The following SLC14A2 variants were observed in gnomAD, a reference collection of about 807,000 sequenced individuals.
SLC14A2 encodes the protein urea transporter 2.
Under a neutral mutation model 104.6 loss-of-function variants are expected in SLC14A2, and 91 were observed. The observed-to-expected ratio is 0.87, with a 90% CI of 0.73 to 1.04. SLC14A2 has a LOEUF of 1.04. Ranked by LOEUF, SLC14A2 falls within the 50% of genes least tolerant of loss-of-function variation. The probability of loss-of-function intolerance (pLI) is 0.00; values close to 1 mark genes in which losing one functional copy is unlikely to be tolerated. For synonymous variants in SLC14A2, 476 were observed against 466.4 expected, an observed-to-expected ratio of 1.02 and a Z score of -0.27; for missense variants, 1,189 against 1,156.0, an observed-to-expected ratio of 1.03 and a Z score of -0.41.
Position 45,287,458 on chromosome 18 carries a change from C to T in SLC14A2, c.-125+74267C>T, listed in dbSNP as rs2084825845. 2.6e-5 allele frequency among the ~76,000 whole-genome samples: 4 copies of T among 152,332 alleles called. No homozygotes were observed. In the South Asian group the frequency reaches 6.2e-4, roughly 24 times the overall value. On this transcript the variant is annotated intron_variant, in intron 1 of 20. Transcript: ENST00000586448. ...GGCCTTCATGTGAAGAGCAGCAACT[C>T]GTGGCCCACAGCAAGCGGGTGAATT...
chr18:45,462,393 G>A (rs542728254), intron 1 of SLC14A2, among the ~76,000 whole-genome samples: 70 of 152,286 alleles, frequency 4.6e-4, no homozygotes, highest in Non-Finnish European at 7.8e-4. Flanking sequence ...GCAGGCAAGG[G>A]ACTTGTACAC....
chr18:45,495,312 A>G (rs910810442), intron 2 of SLC14A2, among the ~76,000 whole-genome samples: 1 of 152,242 alleles, frequency 6.6e-6, no homozygotes, highest in Admixed American at 6.5e-5. Context: ...TAAAAACAAA[A>G]CAAAATCAAA....
At chr18:45,538,850 C>CTTTTTTT (rs61475766) in intron 2 of SLC14A2, among the ~76,000 whole-genome samples, 2 of 105,268 alleles carry the variant, frequency 1.9e-5, no homozygotes, top group South Asian at 3.4e-4. Flanking sequence ...TCCCCCTTCC[C>CTTTTTTT]TTTTTTTTTT....
At chr18:45,396,088 T>G (rs1158308457) in intron 1 of SLC14A2, among the ~76,000 whole-genome samples, 1 of 152,194 alleles carries the variant, frequency 6.6e-6, no homozygotes, top group Non-Finnish European at 1.5e-5. Context: ...ATTCTTAATC[T>G]TTTTTTCATT....
At chr18:45,185,385 G>A in the SLC14A2 span, among the ~76,000 whole-genome samples, 864 of 152,006 alleles carry the variant, frequency 5.7e-3, 12 homozygotes, top group African/African-American at 0.02. Context: ...TCAGATTGTG[G>A]CCACCTGAGG....
chr18:45,637,353 A>G (rs2045436922), intron 6 of SLC14A2, among the ~76,000 whole-genome samples, 171 bp downstream of exon 6: 1 of 152,178 alleles, frequency 6.6e-6, no homozygotes, highest in Non-Finnish European at 1.5e-5. Context: ...AGATCCTTTC[A>G]ACAGTACTTA....
At chr18:45,547,924 G>C (rs1241994513) in intron 2 of SLC14A2, among the ~76,000 whole-genome samples, 3 of 152,206 alleles carry the variant, frequency 2.0e-5, no homozygotes, top group African/African-American at 7.2e-5. Context: ...GTGATCAGAG[G>C]AGGGTAAGAC....
chr18:45,568,133 G>C (rs1274283207), intron 2 of SLC14A2, among the ~76,000 whole-genome samples: 1 of 152,206 alleles, frequency 6.6e-6, no homozygotes, highest in Non-Finnish European at 1.5e-5. Context: ...GCAGCATCGA[G>C]GTCCCAGTCA....
chr18:45,484,884 A>G (rs1414422332), intron 2 of SLC14A2, among the ~76,000 whole-genome samples: 1 of 152,180 alleles, frequency 6.6e-6, no homozygotes, highest in East Asian at 1.9e-4. Flanking sequence ...CACAATACAC[A>G]TTATCTCAAC....
At chr18:45,664,190 C>T (rs1471412678) in intron 11 of SLC14A2, among the ~76,000 whole-genome samples, 2 of 152,198 alleles carry the variant, frequency 1.3e-5, no homozygotes, top group African/African-American at 4.8e-5. Context: ...TAGTTTAATT[C>T]ATCTGCAGAG....
At position 45,682,076 on chromosome 18, in the gene SLC14A2, A is replaced by G. The variant is rs549647354; in HGVS notation, c.2563-243A>G. ...CATATTATGTTCTGATGACTTCTAC[A>G]TAAGGGCATATTAGCCCAACTATTA... On this transcript the variant is annotated intron_variant, in intron 19 of 19. Transcript: ENST00000255226. Among the ~76,000 whole-genome samples the G allele has an allele frequency of 3.3e-5, 5 of 152,352 alleles. No individual in the cohort carries two copies. In the South Asian group the frequency reaches 6.2e-4, roughly 19 times the overall value.
At chr18:45,302,362 A>G (rs2084976944) in intron 1 of SLC14A2, among the ~76,000 whole-genome samples, 1 of 152,222 alleles carries the variant, frequency 6.6e-6, no homozygotes, top group Non-Finnish European at 1.5e-5. Context: ...ATCAGATGTC[A>G]GCACTAGCAG....
intron 1 of SLC14A2, among the ~76,000 whole-genome samples, chr18:45,338,433 C>T (rs1041202820): frequency 2.6e-5 from 4 of 151,978 alleles, no homozygotes; most frequent in East Asian, 1.9e-4. Flanking sequence ...GATCTCCTGA[C>T]TTCATGATCC....
chr18:45,649,962 G>A (rs546885522), intron 10 of SLC14A2, among the ~76,000 whole-genome samples: 1 of 152,300 alleles, frequency 6.6e-6, no homozygotes, highest in South Asian at 2.1e-4. Flanking sequence ...CTCTTAATCT[G>A]CAAACTCAAG....
At position 45,637,060 on chromosome 18, in the gene SLC14A2, A is replaced by G; in HGVS notation, c.721A>G (p.Asn241Asp). The G allele has an allele frequency of 6.2e-7, 1 of 1,614,180 alleles. No individual in the cohort carries two copies. Among genetic ancestry groups the G allele is most frequent in the African/African-American group, 1.3e-5 (1 of 75,036 alleles). ...WDLPVFTLPF[N>D]IAVTLYLAAT... ...CCTCCCGGTCTTCACTCTGCCCTTC[A>G]ACATTGCAGTCACCTTGTACCTTGC... The change falls in exon 6 of 20, where the codon AAC becomes GAC. Residue 241 changes from asparagine (N) to aspartate (D), a missense_variant. Transcript: ENST00000255226.
chr18:45,338,080 G>A (rs2085353693), intron 1 of SLC14A2, among the ~76,000 whole-genome samples: 1 of 152,170 alleles, frequency 6.6e-6, no homozygotes. Flanking sequence ...GACTTCAAGT[G>A]TATAGACAAA....
intron 1 of SLC14A2, among the ~76,000 whole-genome samples, chr18:45,401,495 A>C (rs751513163): frequency 7.9e-5 from 12 of 152,180 alleles, no homozygotes; most frequent in Non-Finnish European, 1.5e-4. Context: ...AAATGTCAGG[A>C]GGCTGAAGCT....
chr18:45,176,168 T>C, the SLC14A2 span, among the ~76,000 whole-genome samples: 3 of 152,186 alleles, frequency 2.0e-5, no homozygotes, highest in Non-Finnish European at 4.4e-5. Flanking sequence ...GCACAGCTAA[T>C]AATCACTAAG....
chr18:45,598,472 G>A (rs1044569759), intron 2 of SLC14A2, among the ~76,000 whole-genome samples: 11 of 152,084 alleles, frequency 7.2e-5, no homozygotes, highest in Middle Eastern at 3.4e-3. Flanking sequence ...GGTCCTAGAC[G>A]CTTTCCTTTT....
Sources: allele counts gnomAD v4.1 joint callset (sites outside exome capture counted in the v4.1 genomes callset), GRCh38; gene constraint gnomAD v4.1.1; transcripts MANE v1.5; gene names NCBI Gene and HGNC (gene_info 2026-07-23, HGNC 2026-07-21).